MYOF: variants seen among roughly 807,000 people sequenced by gnomAD.
MYOF encodes the protein fer-1-like 3, myoferlin.
In MYOF, 244 loss-of-function variants were observed where a neutral mutation model predicts 284.2. The ratio of observed to expected loss-of-function variants is 0.86; its 90% CI spans 0.77 to 0.95. MYOF has a LOEUF of 0.95. MYOF is among the 40% of genes least tolerant of loss of function. The pLI is 0.00. For missense variants in MYOF, 2,496 were observed against 2,560.6 expected (o/e 0.97, Z 0.54); for synonymous variants, 904 against 919.7 (o/e 0.98, Z 0.31).
chr10:93,464,401 C>G (rs1325092126), intron 1 of MYOF, among the ~76,000 whole-genome samples: 1 of 152,176 alleles, frequency 6.6e-6, no homozygotes, highest in East Asian at 1.9e-4. Context: ...TCTGGAGAAT[C>G]CTGACTAGTC....
intron 3 of MYOF, among the ~76,000 whole-genome samples, chr10:93,433,671 A>T (rs1848972858): frequency 1.3e-5 from 2 of 152,254 alleles, no homozygotes; most frequent in African/African-American, 4.8e-5. Context: ...TTGGGCAAAC[A>T]TGATAATCAG....
chr10:93,334,470 T>C (rs1169990136), intron 41 of MYOF, among the ~76,000 whole-genome samples: 1 of 152,178 alleles, frequency 6.6e-6, no homozygotes, highest in Non-Finnish European at 1.5e-5. Context: ...TGCATTGAGA[T>C]AATCTATTTA....
chr10:93,469,258 G>A (rs943615257), intron 1 of MYOF, among the ~76,000 whole-genome samples: 4 of 151,990 alleles, frequency 2.6e-5, no homozygotes, highest in East Asian at 3.9e-4. Flanking sequence ...AAAATTAGCC[G>A]GGCATGGTGG....
intron 5 of MYOF, among the ~76,000 whole-genome samples, chr10:93,411,245 C>T (rs1456394370): frequency 6.6e-6 from 1 of 152,186 alleles, no homozygotes; most frequent in African/African-American, 2.4e-5. Context: ...TTATTTCTCA[C>T]AGTTCTGGAG....
Position 93,325,779 on chromosome 10 carries a change from C to T in MYOF, c.5271+47G>A, listed in dbSNP as rs1843016093. ...GCAAAAATGTCAACTACTGCCATTG[C>T]ATTTGGGGCAGGGATAATGGTCTTC... On this transcript the variant is annotated intron_variant, in intron 46 of 53. Transcript: ENST00000359263. 2.6e-6 allele frequency: 4 copies of T among 1,559,216 alleles called. No individual in the cohort carries two copies. The South Asian group carries it at 3.6e-5, about 14-fold the overall frequency.
chr10:93,443,305 T>TC (rs756383020), intron 3 of MYOF, among the ~76,000 whole-genome samples: 9 of 152,174 alleles, frequency 5.9e-5, no homozygotes, highest in Non-Finnish European at 1.3e-4. Context: ...ACAAGGTGTT[T>TC]CCCCCGGTTG....
chr10:93,417,781 G>T (rs1312139030), intron 5 of MYOF, among the ~76,000 whole-genome samples: 1 of 152,080 alleles, frequency 6.6e-6, no homozygotes, highest in Non-Finnish European at 1.5e-5. Context: ...AGGAGCACTT[G>T]CTGGTCACCC....
Position 93,478,861 on chromosome 10 carries a change from G to T in MYOF, c.88+3246C>A, listed in dbSNP as rs1449631859. ...AAAAAAAAGAAAGAAAGAAAGAAAG[G>T]GTTTGAACACGAAAAACTGAGGTCA... On this transcript the variant is annotated intron_variant, in intron 1 of 53. Coordinates refer to ENST00000359263, the MANE Select transcript of MYOF (RefSeq NM_013451.4). Among the ~76,000 whole-genome samples, 4 of 54,550 alleles carry T rather than the reference G, an allele frequency of 7.3e-5. No homozygotes were observed. The East Asian group carries it at 1.2e-3, about 16-fold the overall frequency. The allele number at this position is 54,550 out of a possible 152,430, so 35.8% of individuals were successfully genotyped here.
intron 3 of MYOF, among the ~76,000 whole-genome samples, chr10:93,437,372 A>G (rs1402184304): frequency 6.6e-6 from 1 of 152,146 alleles, no homozygotes; most frequent in African/African-American, 2.4e-5. Context: ...GAAGGGCCGC[A>G]TGCCTCTGGA....
chr10:93,328,097 G>A (rs1353081042), intron 45 of MYOF, among the ~76,000 whole-genome samples: 1 of 152,054 alleles, frequency 6.6e-6, no homozygotes, highest in African/African-American at 2.4e-5. Context: ...ACAATGTCAC[G>A]AATCAAGCTG....
rs557689582 is a variant in MYOF at position 93,469,950 on chromosome 10, C to G, written c.88+12157G>C. Among the ~76,000 whole-genome samples, 4 of 151,932 alleles carry G rather than the reference C, an allele frequency of 2.6e-5. No individual in the cohort carries two copies. In the East Asian group the frequency reaches 7.7e-4, roughly 29 times the overall value. The stretch of plus-strand genomic sequence containing the variant: ...TTGGTGAGAAAATAAAGGAGTAGGC[C>G]GGGCGCAGTGGCTCACGCTTGTAAT... On this transcript the variant is annotated intron_variant, in intron 1 of 53. Coordinates refer to ENST00000359263, the MANE Select transcript of MYOF (RefSeq NM_013451.4).
chr10:93,476,443 G>A (rs2057265828), intron 1 of MYOF, among the ~76,000 whole-genome samples: 1 of 151,388 alleles, frequency 6.6e-6, no homozygotes, highest in Admixed American at 6.6e-5. Flanking sequence ...GTAGAGATGG[G>A]GTTTCACCAT....
In MYOF at chr10:93,412,684, C is replaced by T. The variant is rs116778007; in HGVS notation, c.434-2945G>A. Among the ~76,000 whole-genome samples, 892 of 152,302 alleles carry T rather than the reference C, an allele frequency of 5.9e-3. 13 individuals are homozygous for T. The highest frequency in any genetic ancestry group is 0.02 in the African/African-American group (846 of 41,566). The stretch of plus-strand genomic sequence containing the variant: ...GCTTGCCTTTGCTTCTTTGTTTCTG[C>T]CCCATGCCTTACAGAACTCATTACA... On this transcript the variant is annotated intron_variant, in intron 5 of 53. Coordinates refer to ENST00000359263, the MANE Select transcript of MYOF (RefSeq NM_013451.4).
At chr10:93,477,366 C>A (rs898478103) in intron 1 of MYOF, among the ~76,000 whole-genome samples, 2 of 151,972 alleles carry the variant, frequency 1.3e-5, no homozygotes, top group East Asian at 1.9e-4. Flanking sequence ...GTGGCGCATG[C>A]CTGTAATCCC....
chr10:93,349,870 C>CCGATT lies in MYOF; in HGVS notation c.4016_4020dup (p.Val1341AsnfsTer4). 1 of 1,614,040 alleles carries CCGATT rather than the reference C, an allele frequency of 6.2e-7. No homozygotes were observed. The highest frequency in any genetic ancestry group is 1.1e-5 in the South Asian group (1 of 91,064). On this transcript the variant is annotated frameshift_variant, in exon 36 of 54. Transcript: ENST00000359263. LOFTEE classifies it high-confidence loss of function. ...GTCTTCTTAAGGTTTTTGATCACCACCGATTCCACCCTTTCTCCTCCACAC... is the reference window on the plus strand; with the variant it reads ...GTCTTCTTAAGGTTTTTGATCACCACCGATTCGATTCCACCCTTTCTCCTCCACAC...
At position 93,399,472 on chromosome 10, in the gene MYOF, C is replaced by T; in HGVS notation, c.1141G>A (p.Val381Ile). The change falls in exon 13 of 54, where the codon GTA becomes ATA. Residue 381 changes from valine to isoleucine, a missense_variant. Coordinates refer to ENST00000359263, the MANE Select transcript of MYOF (RefSeq NM_013451.4). ...PQMDDAFSQT[V>I]KEIFGGNADK... ...GCATTGCCTCCAAATATTTCCTTTA[C>T]TGTCTGTGAGAAGGCATCATCCACT... 2 of 1,613,146 alleles carry T rather than the reference C, an allele frequency of 1.2e-6. No homozygotes were observed. The highest frequency in any genetic ancestry group is 1.7e-5 in the Admixed American group (1 of 60,020).
chr10:93,399,767 G>T (rs1486656223), intron 12 of MYOF, among the ~76,000 whole-genome samples: 1 of 152,226 alleles, frequency 6.6e-6, no homozygotes, highest in African/African-American at 2.4e-5. Flanking sequence ...AGCTACTCGG[G>T]AGGCTGAGGC....
intron 41 of MYOF, among the ~76,000 whole-genome samples, chr10:93,335,521 G>C (rs1843557131): frequency 6.6e-6 from 1 of 152,206 alleles, no homozygotes; most frequent in Non-Finnish European, 1.5e-5. Context: ...AAGCATGGTA[G>C]GGGCAGTAGG....
rs2133683397 is a variant in MYOF, at chr10:93,306,886, A to G, written c.*77T>C. 6.8e-7 allele frequency: 1 copy of G among 1,474,352 alleles called. No homozygotes were observed. Among genetic ancestry groups the G allele is most frequent in the East Asian group, 2.3e-5 (1 of 43,882 alleles). The allele number at this position is 1,474,352 out of a possible 1,614,324, so 91.3% of individuals were successfully genotyped here. On this transcript the variant is annotated 3_prime_UTR_variant, in exon 54 of 54. Coordinates refer to ENST00000359263, the MANE Select transcript of MYOF (RefSeq NM_013451.4). ...ACTGGGGTGTGGTCTCAGACACAAA[A>G]TCACACTGGATGTTGGTCTACAGAG...
Sources: allele counts gnomAD v4.1 joint callset (sites outside exome capture counted in the v4.1 genomes callset), GRCh38; gene constraint gnomAD v4.1.1; transcripts MANE v1.5; gene names NCBI Gene and HGNC (gene_info 2026-07-23, HGNC 2026-07-21).